DLG2: variants seen among roughly 807,000 people sequenced by gnomAD.
The protein encoded by DLG2 is discs large MAGUK scaffold protein 2.
In DLG2, 45 loss-of-function variants were observed where a neutral mutation model predicts 132.5. The ratio of observed to expected loss-of-function variants is 0.34; its 90% CI spans 0.27 to 0.44. The LOEUF is 0.44. DLG2 is among the 20% of genes least tolerant of loss of function. DLG2 has a pLI of 1.00. For missense variants in DLG2, 1,045 were observed against 1,196.9 expected (o/e 0.87, Z 1.87); for synonymous variants, 424 against 419.6 (o/e 1.01, Z -0.13).
chr11:83,831,076 CT>C (rs1231204868), intron 17 of DLG2, among the ~76,000 whole-genome samples: 1 of 152,208 alleles, frequency 6.6e-6, no homozygotes, highest in African/African-American at 2.4e-5. Flanking sequence ...TCGATAAACA[CT>C]TCTTTTTTGG....
intron 18 of DLG2, among the ~76,000 whole-genome samples, chr11:83,749,774 G>T (rs932877564): frequency 1.1e-4 from 16 of 152,174 alleles, no homozygotes; most frequent in South Asian, 4.1e-4. Flanking sequence ...CTACACTGGG[G>T]AAAATTGGCA....
intron 3 of DLG2, among the ~76,000 whole-genome samples, chr11:85,371,530 G>T (rs149396500): frequency 1.5e-4 from 23 of 152,294 alleles, no homozygotes; most frequent in African/African-American, 4.8e-4. Context: ...ATTGGAGAAA[G>T]TAGTTATTTT....
chr11:83,465,463 G>A (rs1370458423), intron 26 of DLG2, among the ~76,000 whole-genome samples: 2 of 152,008 alleles, frequency 1.3e-5, no homozygotes, highest in Admixed American at 6.6e-5. Flanking sequence ...GTACTCTGTG[G>A]TTCACTCCTG....
At chr11:83,592,231 G>C (rs910841634) in intron 19 of DLG2, among the ~76,000 whole-genome samples, 6 of 151,060 alleles carry the variant, frequency 4.0e-5, no homozygotes, top group East Asian at 2.0e-4. Context: ...CACACTACCT[G>C]ACTTCAAACT....
chr11:85,177,263 TTA>T (rs748552882), intron 4 of DLG2, among the ~76,000 whole-genome samples: 1,778 of 136,828 alleles, frequency 0.013, 43 homozygotes, highest in African/African-American at 0.048. Flanking sequence ...GTATATGTAT[TTA>T]TATATATATA....
chr11:84,335,351 G>A (rs1221225192), intron 7 of DLG2, among the ~76,000 whole-genome samples: 1 of 151,986 alleles, frequency 6.6e-6, no homozygotes, highest in African/African-American at 2.4e-5. Flanking sequence ...TGCTGGCACT[G>A]GTAACAACAT....
intron 6 of DLG2, among the ~76,000 whole-genome samples, chr11:85,038,756 A>G (rs946758527): frequency 2.6e-5 from 4 of 152,068 alleles, no homozygotes; most frequent in Admixed American, 1.3e-4. Flanking sequence ...CTGATGTCCA[A>G]TAAGTTCCAG....
chr11:83,902,931 G>T (rs939892638), intron 15 of DLG2, among the ~76,000 whole-genome samples: 14 of 152,048 alleles, frequency 9.2e-5, no homozygotes, highest in Admixed American at 3.3e-4. Flanking sequence ...TTTTTCTTAC[G>T]TTCTCAGTCA....
At chr11:84,472,532 C>T (rs941882855) in intron 7 of DLG2, among the ~76,000 whole-genome samples, 13 of 151,884 alleles carry the variant, frequency 8.6e-5, no homozygotes, top group Non-Finnish European at 1.6e-4. Context: ...TTGTGTAATC[C>T]TTTTAACAAA....
intron 6 of DLG2, among the ~76,000 whole-genome samples, chr11:85,002,651 T>A (rs946145827): frequency 7.2e-5 from 11 of 152,134 alleles, no homozygotes; most frequent in Non-Finnish European, 1.5e-4. Flanking sequence ...TACAACCAGA[T>A]GGGTGCCAAA....
At chr11:85,182,885 C>T (rs1480281912) in intron 4 of DLG2, among the ~76,000 whole-genome samples, 1 of 150,146 alleles carries the variant, frequency 6.7e-6, no homozygotes, top group Non-Finnish European at 1.5e-5. Context: ...ATTTATATGA[C>T]TCCATTGTTC....
At chr11:85,343,877 A>C (rs1307792079) in intron 3 of DLG2, among the ~76,000 whole-genome samples, 3 of 152,120 alleles carry the variant, frequency 2.0e-5, no homozygotes, top group African/African-American at 4.8e-5. Flanking sequence ...TTTGAGCGTA[A>C]ATGTTTCCAG....
At chr11:84,267,059 T>A (rs941958420) in intron 7 of DLG2, among the ~76,000 whole-genome samples, 1 of 152,206 alleles carries the variant, frequency 6.6e-6, no homozygotes, top group African/African-American at 2.4e-5. Context: ...CAAAGTCCCA[T>A]GACAGGCATG....
intron 4 of DLG2, among the ~76,000 whole-genome samples, chr11:85,219,186 T>C (rs2082839014): frequency 6.6e-6 from 1 of 152,106 alleles, no homozygotes; most frequent in Non-Finnish European, 1.5e-5. Flanking sequence ...AATATCCACA[T>C]GTAACAAACC....
At chr11:83,758,892 G>T (rs2093771049) in intron 18 of DLG2, among the ~76,000 whole-genome samples, 2 of 151,786 alleles carry the variant, frequency 1.3e-5, no homozygotes, top group Admixed American at 1.3e-4. Context: ...TATTTTTATG[G>T]ATACGACTGC....
chr11:85,555,022 C>G (rs555685093), intron 3 of DLG2, among the ~76,000 whole-genome samples: 2 of 151,750 alleles, frequency 1.3e-5, no homozygotes, highest in Non-Finnish European at 2.9e-5. Flanking sequence ...AAAAACCTAA[C>G]CTCTAAGCCT....
intron 9 of DLG2, among the ~76,000 whole-genome samples, chr11:84,137,981 C>T (rs893433492): frequency 6.6e-6 from 1 of 152,068 alleles, no homozygotes; most frequent in African/African-American, 2.4e-5. Context: ...CCAAGCTTTC[C>T]AAAGTGAAAA....
intron 6 of DLG2, among the ~76,000 whole-genome samples, chr11:84,861,629 A>C (rs1362891628): frequency 1.2e-4 from 9 of 73,036 alleles, no homozygotes; most frequent in South Asian, 4.1e-4. Context: ...AAAAAAAAAA[A>C]AAAAAAAAAA....
intron 15 of DLG2, among the ~76,000 whole-genome samples, chr11:83,922,705 T>C (rs1275488434): frequency 2.0e-5 from 3 of 152,124 alleles, no homozygotes; most frequent in Non-Finnish European, 4.4e-5. Flanking sequence ...AGCTACAGTG[T>C]ACAGAGTGAA....
Sources: allele counts gnomAD v4.1 joint callset (sites outside exome capture counted in the v4.1 genomes callset), GRCh38; gene constraint gnomAD v4.1.1; transcripts MANE v1.5; gene names NCBI Gene and HGNC (gene_info 2026-07-23, HGNC 2026-07-21).